UGT1A4: variants seen among roughly 807,000 people sequenced by gnomAD.
The protein encoded by UGT1A4 is UDP glucuronosyltransferase family 1 member A4, also known as UDP-glucuronosyltransferase 1A4.
Under a neutral mutation model 41.1 loss-of-function variants are expected in UGT1A4, and 32 were observed. The ratio of observed to expected loss-of-function variants is 0.78; its 90% CI spans 0.59 to 1.05. The LOEUF is 1.05. UGT1A4 is among the 50% of genes least tolerant of loss of function. The pLI, the probability that UGT1A4 is intolerant of heterozygous loss-of-function variation, is 0.00. For synonymous variants in UGT1A4, 283 were observed against 265.1 expected, an observed-to-expected ratio of 1.07 and a Z score of -0.66; for missense variants, 748 against 677.4, an observed-to-expected ratio of 1.10 and a Z score of -1.16.
At position 233,729,612 on chromosome 2, in the gene UGT1A4, T is replaced by G. The variant is rs769549634; in HGVS notation, c.867+9925T>G. On this transcript the variant is annotated intron_variant, in intron 1 of 4. Coordinates refer to ENST00000373409, the MANE Select transcript of UGT1A4 (RefSeq NM_007120.3). ...TTAACCTCTGCGCGGCAGTGCTGGC[T>G]AAGTACCTGTCGATTCCTACTGTGT... is the stretch of plus-strand genomic sequence containing the variant. 6 of 1,614,046 alleles carry G rather than the reference T, an allele frequency of 3.7e-6. No individual in the cohort carries two copies. In the South Asian group the frequency reaches 6.6e-5, roughly 18 times the overall value.
At chr2:233,728,912 TC>T in intron 1 of UGT1A4, among the ~76,000 whole-genome samples, 1 of 148,378 alleles carries the variant, frequency 6.7e-6, no homozygotes, top group Non-Finnish European at 1.5e-5. Context: ...GACGTGTTTT[TC>T]AAGATAGTCA....
chr2:233,721,061 C>T (rs1345947029), intron 1 of UGT1A4, among the ~76,000 whole-genome samples: 1 of 152,076 alleles, frequency 6.6e-6, no homozygotes, highest in Non-Finnish European at 1.5e-5. Flanking sequence ...GTCATATTCA[C>T]TGAATTTATA....
At chr2:233,733,871 G>T (rs1394272645) in intron 1 of UGT1A4, among the ~76,000 whole-genome samples, 1 of 152,036 alleles carries the variant, frequency 6.6e-6, no homozygotes, top group Non-Finnish European at 1.5e-5. Flanking sequence ...AATAGTTTCA[G>T]AAGGAATGGT....
At chr2:233,753,469 A>T (rs28900386) in intron 1 of UGT1A4, 9 of 152,358 alleles carry the variant, frequency 5.9e-5, no homozygotes, top group African/African-American at 1.9e-4. Flanking sequence ...TCTGTAAAAA[A>T]TTACCAGCAT....
intron 1 of UGT1A4, among the ~76,000 whole-genome samples, chr2:233,726,748 C>G (rs1270676383): frequency 6.6e-6 from 1 of 152,206 alleles, no homozygotes; most frequent in Non-Finnish European, 1.5e-5. Context: ...GGCTGTGATT[C>G]TGCCTACCAC....
At position 233,736,090 on chromosome 2, in the gene UGT1A4, T is replaced by C. The variant is rs1422886640; in HGVS notation, c.867+16403T>C. ...AGGTTTGGGAAGTTCTCCTGGATAA[T>C]ATCCTGAAGAGTGTTTTCCAACTTG... On this transcript the variant is annotated intron_variant, in intron 1 of 4. Coordinates refer to ENST00000373409, the MANE Select transcript of UGT1A4 (RefSeq NM_007120.3). Among the ~76,000 whole-genome samples, 4 of 152,378 alleles carry C rather than the reference T, an allele frequency of 2.6e-5. No homozygotes were observed. The East Asian group carries it at 7.7e-4, about 29-fold the overall frequency.
chr2:233,748,333 G>A (rs1453810710), intron 1 of UGT1A4, among the ~76,000 whole-genome samples: 2 of 151,780 alleles, frequency 1.3e-5, no homozygotes, highest in Non-Finnish European at 2.9e-5. Flanking sequence ...GTGACTCATG[G>A]AGACTGTTCG....
intron 1 of UGT1A4, among the ~76,000 whole-genome samples, chr2:233,734,119 A>AATC (rs958365418): frequency 7.2e-5 from 11 of 152,032 alleles, no homozygotes; most frequent in African/African-American, 2.7e-4. Flanking sequence ...TAATAATAAT[A>AATC]ATAAAAAGAA....
intron 1 of UGT1A4, among the ~76,000 whole-genome samples, chr2:233,761,536 A>G (rs1039884807): frequency 6.6e-6 from 1 of 152,248 alleles, no homozygotes; most frequent in Non-Finnish European, 1.5e-5. Context: ...TGATGAAATC[A>G]TTCTTTGATG....
In UGT1A4 at chr2:233,766,921, C is replaced by T. The variant is rs6708136; in HGVS notation, c.868-113C>T. 45,255 of 1,558,610 alleles carry T rather than the reference C, an allele frequency of 0.029. 712 individuals are homozygous for T. The highest frequency in any genetic ancestry group is 0.049 in the African/African-American group (3,601 of 72,856). Reference sequence around the variant, plus strand: ...ATAATTTTTTACTCTATCTCAAACACGCATGCCTTTAATCATAGTCTTAAG... The same window carrying T: ...ATAATTTTTTACTCTATCTCAAACATGCATGCCTTTAATCATAGTCTTAAG... On this transcript the variant is annotated intron_variant, in intron 1 of 4. Coordinates refer to ENST00000373409, the MANE Select transcript of UGT1A4 (RefSeq NM_007120.3).
chr2:233,730,374 G>C (rs986236610), intron 1 of UGT1A4, among the ~76,000 whole-genome samples: 2 of 152,170 alleles, frequency 1.3e-5, no homozygotes, highest in African/African-American at 4.8e-5. Flanking sequence ...ATGATTTTCA[G>C]GGGAAAGATG....
chr2:233,751,022 C>T (rs902181349), intron 1 of UGT1A4, among the ~76,000 whole-genome samples: 2 of 151,802 alleles, frequency 1.3e-5, no homozygotes, highest in Non-Finnish European at 2.9e-5. Flanking sequence ...ATAGTAGATC[C>T]AATAGCTTGC....
chr2:233,751,084 C>T (rs1694636853), intron 1 of UGT1A4, among the ~76,000 whole-genome samples: 1 of 151,906 alleles, frequency 6.6e-6, no homozygotes, highest in Non-Finnish European at 1.5e-5. Flanking sequence ...CTGAAGGCAG[C>T]CAGGAGGAGG....
chr2:233,734,975 A>G (rs1254918242), intron 1 of UGT1A4, among the ~76,000 whole-genome samples: 1 of 152,228 alleles, frequency 6.6e-6, no homozygotes, highest in Non-Finnish European at 1.5e-5. Context: ...TGGTGCTGAG[A>G]AGAATGTATA....
rs34993780 is a variant in UGT1A4 at position 233,772,413 on chromosome 2, T to C, written c.1459T>C (p.Tyr487His). 6.2e-7 allele frequency: 1 copy of C among 1,614,064 alleles called. No homozygotes were observed. The highest frequency in any genetic ancestry group is 8.5e-7 in the Non-Finnish European group (1 of 1,180,038). The change falls in exon 5 of 5, where the codon TAC becomes CAC. Residue 487 changes from tyrosine (Y) to histidine (H), a missense_variant. By Grantham distance (83) the Tyr-to-His change is moderately conservative (BLOSUM62 2). Coordinates refer to ENST00000373409, the MANE Select transcript of UGT1A4 (RefSeq NM_007120.3). ...AGCCCACGACCTCACCTGGTACCAG[T>C]ACCATTCCTTGGACGTGATTGGTTT... The part of the protein sequence containing the change: ...PAAHDLTWYQ[Y>H]HSLDVIGFLL...
Position 233,760,582 on chromosome 2 carries a change from GT to G in UGT1A4, c.868-6447del. ...GTCTTTTGTTAGTCTCGGGCATAATGTTTTTGAGAATGATTCTTTCCTGCAG... is the reference window on the plus strand; with the variant it reads ...GTCTTTTGTTAGTCTCGGGCATAATGTTTTGAGAATGATTCTTTCCTGCAG... On this transcript the variant is annotated intron_variant, in intron 1 of 4. Coordinates refer to ENST00000373409, the MANE Select transcript of UGT1A4 (RefSeq NM_007120.3). 3 of 1,614,178 alleles carry G rather than the reference GT, an allele frequency of 1.9e-6. No homozygotes were observed. The highest frequency in any genetic ancestry group is 3.3e-4 in the Middle Eastern group (2 of 6,062).
At chr2:233,743,446 AAAG>A (rs891586644) in intron 1 of UGT1A4, 1 of 1,364,544 alleles carries the variant, frequency 7.3e-7, no homozygotes, top group Non-Finnish European at 9.8e-7. Context: ...TCCTGTATCA[AAAG>A]AAGAAAAAAC....
At chr2:233,728,018 G>A (rs774114702) in intron 1 of UGT1A4, among the ~76,000 whole-genome samples, 4 of 152,350 alleles carry the variant, frequency 2.6e-5, no homozygotes, top group Non-Finnish European at 5.9e-5. Context: ...ACATGTGGGA[G>A]TGACTTTCTG....
chr2:233,754,878 C>G (rs1478307261), intron 1 of UGT1A4: 1 of 1,352,412 alleles, frequency 7.4e-7, no homozygotes, highest in Non-Finnish European at 9.9e-7. Context: ...GCTTCTGCTT[C>G]CCAGGGAGTT....
Sources: allele counts gnomAD v4.1 joint callset (sites outside exome capture counted in the v4.1 genomes callset), GRCh38; gene constraint gnomAD v4.1.1; transcripts MANE v1.5; gene names NCBI Gene and HGNC (gene_info 2026-07-23, HGNC 2026-07-21).